The following CACNA2D3 variants were observed in gnomAD, a reference collection of about 807,000 sequenced individuals.
The protein encoded by CACNA2D3 is voltage-dependent calcium channel subunit alpha-2/delta-3.
A neutral mutation model predicts 160.6 loss-of-function variants in CACNA2D3; 60 were observed. The observed-to-expected ratio is 0.37, with a 90% CI of 0.30 to 0.46. The LOEUF is 0.46. Ranked by LOEUF, CACNA2D3 falls within the 20% of genes least tolerant of loss-of-function variation. The probability of loss-of-function intolerance (pLI) is 1.00; values close to 1 mark genes in which losing one functional copy is unlikely to be tolerated. For missense variants in CACNA2D3, 1,205 were observed against 1,365.0 expected (o/e 0.88, Z 1.85); for synonymous variants, 558 against 492.9 (o/e 1.13, Z -1.75).
chr3:54,663,267 C>G (rs1700003695), intron 11 of CACNA2D3, among the ~76,000 whole-genome samples: 1 of 152,164 alleles, frequency 6.6e-6, no homozygotes, highest in African/African-American at 2.4e-5. Flanking sequence ...GTGGGAAGAT[C>G]TGTGGATGTT....
chr3:55,060,595 G>C (rs528510291), intron 35 of CACNA2D3, among the ~76,000 whole-genome samples: 28 of 152,188 alleles, frequency 1.8e-4, no homozygotes, highest in Admixed American at 3.3e-4. Context: ...CTTAGAAAAG[G>C]GTTTGGCATT....
At chr3:54,173,507 C>G (rs984169609) in intron 2 of CACNA2D3, among the ~76,000 whole-genome samples, 2 of 152,148 alleles carry the variant, frequency 1.3e-5, no homozygotes, top group African/African-American at 2.4e-5. Context: ...ACACACAGAA[C>G]CAGGCTGCTT....
At chr3:54,994,476 A>G (rs1702813353) in intron 31 of CACNA2D3, among the ~76,000 whole-genome samples, 1 of 152,196 alleles carries the variant, frequency 6.6e-6, no homozygotes, top group Admixed American at 6.5e-5. Flanking sequence ...TTGGACAAGT[A>G]TATTTCTGGG....
Position 54,502,341 on chromosome 3 carries a change from T to C in CACNA2D3, c.382-1151T>C, listed in dbSNP as rs189542973. The stretch of plus-strand genomic sequence containing the variant: ...TTTTCTCTTCTTTTTGCATTTCTTT[T>C]TGGGGAGTTTCTTTTGACACATCTT... On this transcript the variant is annotated intron_variant, in intron 4 of 37. Transcript: ENST00000474759. Among the ~76,000 whole-genome samples the C allele has an allele frequency of 9.0e-4, 137 of 152,358 alleles. 1 individual carries two copies. Among genetic ancestry groups the C allele is most frequent in the Admixed American group, 3.0e-3 (46 of 15,302 alleles).
At chr3:54,903,565 A>G (rs1015889281) in intron 27 of CACNA2D3, among the ~76,000 whole-genome samples, 4 of 152,324 alleles carry the variant, frequency 2.6e-5, no homozygotes, top group Non-Finnish European at 4.4e-5. Context: ...TCCTTCGGGT[A>G]TATACCCAGA....
chr3:54,529,816 T>A (rs1171189982), intron 5 of CACNA2D3, among the ~76,000 whole-genome samples: 1 of 152,200 alleles, frequency 6.6e-6, no homozygotes, highest in Non-Finnish European at 1.5e-5. Context: ...AGTGATATAA[T>A]TTTTTTATTG....
chr3:54,310,436 A>T (rs918760522), intron 2 of CACNA2D3, among the ~76,000 whole-genome samples: 1 of 152,202 alleles, frequency 6.6e-6, no homozygotes, highest in East Asian at 1.9e-4. Context: ...AGAATTATAC[A>T]TTAGTTTTTA....
chr3:54,982,940 A>G (rs1702537662), intron 29 of CACNA2D3, among the ~76,000 whole-genome samples: 1 of 152,024 alleles, frequency 6.6e-6, no homozygotes, highest in Non-Finnish European at 1.5e-5. Flanking sequence ...CAAGGTCTTT[A>G]TGACTTGTTG....
chr3:54,521,186 G>A (rs763401932), intron 5 of CACNA2D3, among the ~76,000 whole-genome samples: 5 of 152,090 alleles, frequency 3.3e-5, no homozygotes, highest in Non-Finnish European at 7.4e-5. Context: ...CTATCAAAGC[G>A]GCTGCATCAT....
At chr3:54,248,273 G>A (rs1385909147) in intron 2 of CACNA2D3, among the ~76,000 whole-genome samples, 1 of 152,066 alleles carries the variant, frequency 6.6e-6, no homozygotes, top group Admixed American at 6.5e-5. Context: ...CTGAGGTCAG[G>A]AGTTCAAGAC....
At chr3:54,497,040 T>C (rs1321738416) in intron 4 of CACNA2D3, among the ~76,000 whole-genome samples, 1 of 152,090 alleles carries the variant, frequency 6.6e-6, no homozygotes, top group Non-Finnish European at 1.5e-5. Context: ...AATCAGAAAA[T>C]GTGAGTCCTT....
chr3:54,651,796 G>C (rs1023108836), intron 11 of CACNA2D3, among the ~76,000 whole-genome samples: 3 of 152,126 alleles, frequency 2.0e-5, no homozygotes, highest in African/African-American at 7.2e-5. Flanking sequence ...CTCTGAGGGG[G>C]TTTTGTAAAG....
intron 4 of CACNA2D3, among the ~76,000 whole-genome samples, chr3:54,387,028 G>A (rs960258721): frequency 6.6e-6 from 1 of 152,118 alleles, no homozygotes; most frequent in Non-Finnish European, 1.5e-5. Context: ...CAATTTAGGG[G>A]GAGTTAAATC....
chr3:54,900,270 C>A (rs1179744534), intron 27 of CACNA2D3, among the ~76,000 whole-genome samples: 2 of 152,178 alleles, frequency 1.3e-5, no homozygotes, highest in South Asian at 4.1e-4. Context: ...GAAATGTGCC[C>A]TTCTCCAGAG....
intron 4 of CACNA2D3, among the ~76,000 whole-genome samples, chr3:54,394,409 G>A (rs1352305279): frequency 2.0e-5 from 3 of 147,748 alleles, no homozygotes; most frequent in Non-Finnish European, 3.0e-5. Flanking sequence ...ATGCTGGTGC[G>A]CTGCACCCAC....
chr3:54,149,165 G>A (rs1700094474), intron 2 of CACNA2D3, among the ~76,000 whole-genome samples: 1 of 151,708 alleles, frequency 6.6e-6, no homozygotes, highest in Non-Finnish European at 1.5e-5. Flanking sequence ...TGACATTTGT[G>A]GACTCAGGGA....
intron 2 of CACNA2D3, among the ~76,000 whole-genome samples, chr3:54,304,058 G>A (rs1703541825): frequency 1.3e-5 from 2 of 152,098 alleles, no homozygotes; most frequent in Non-Finnish European, 1.5e-5. Flanking sequence ...GACATGTTTG[G>A]TCAGATAATC....
chr3:54,759,919 T>C (rs1251232915), intron 12 of CACNA2D3, among the ~76,000 whole-genome samples: 1 of 152,120 alleles, frequency 6.6e-6, no homozygotes, highest in Non-Finnish European at 1.5e-5. Flanking sequence ...GACTCAGAGT[T>C]TGTGTTTCTT....
chr3:54,641,376 A>G (rs1214287399), intron 10 of CACNA2D3, among the ~76,000 whole-genome samples: 1 of 152,232 alleles, frequency 6.6e-6, no homozygotes, highest in Admixed American at 6.5e-5. Context: ...GTCAGCAGAA[A>G]GAAATCCTTG....
Sources: allele counts gnomAD v4.1 joint callset (sites outside exome capture counted in the v4.1 genomes callset), GRCh38; gene constraint gnomAD v4.1.1; transcripts MANE v1.5; gene names NCBI Gene and HGNC (gene_info 2026-07-23, HGNC 2026-07-21).